Variants in TMEM181 observed in about 807,000 individuals in gnomAD.
TMEM181 encodes G protein-coupled receptor 178.
Under a neutral mutation model 71.9 loss-of-function variants are expected in TMEM181, and 39 were observed. The observed-to-expected ratio is 0.54, with a 90% confidence interval of 0.42 to 0.71. The LOEUF is 0.71. Among genes scored for constraint, TMEM181 ranks in the 30% least tolerant of loss-of-function variants. TMEM181 has a pLI of 0.00. For missense variants in TMEM181, 595 were observed against 583.0 expected (o/e 1.02, Z -0.21); for synonymous variants, 245 against 228.8 (o/e 1.07, Z -0.64).
At chr6:158,592,150 C>T (rs187804745) in intron 6 of TMEM181, among the ~76,000 whole-genome samples, 165 of 152,272 alleles carry the variant, frequency 1.1e-3, no homozygotes, top group Admixed American at 9.7e-3. Flanking sequence ...TTGTACATTT[C>T]GTTTCCCCAG....
intron 16 of TMEM181, among the ~76,000 whole-genome samples, 199 bp from the exon 17 acceptor site, chr6:158,631,611 A>C (rs1786668914): frequency 6.6e-6 from 1 of 152,178 alleles, no homozygotes; most frequent in Non-Finnish European, 1.5e-5. Context: ...CCACGGGAAG[A>C]ACTGTGCTTT....
At chr6:158,593,353 T>A (rs540598861) in intron 6 of TMEM181, among the ~76,000 whole-genome samples, 2 of 152,366 alleles carry the variant, frequency 1.3e-5, no homozygotes, top group Admixed American at 6.5e-5. Context: ...AGGCTGTCTC[T>A]GGGTGGTGGG....
chr6:158,629,064 C>A (rs1188955276), intron 14 of TMEM181, among the ~76,000 whole-genome samples: 1 of 152,194 alleles, frequency 6.6e-6, no homozygotes, highest in Admixed American at 6.5e-5. Flanking sequence ...TGCCTGAGGC[C>A]AGTGGCGCAG....
rs147807644 is a variant in TMEM181, at chr6:158,544,635, G to A, written c.131+7770G>A. Among the ~76,000 whole-genome samples the A allele has an allele frequency of 1.0e-3, 155 of 152,240 alleles. 1 individual carries two copies. The highest frequency in any genetic ancestry group is 3.3e-3 in the African/African-American group (136 of 41,542). ...TCGGGGCAAACCCCTGAGCTCTTGC[G>A]CTCTGGGGTCTTGGTCTTCCCGCCT... On this transcript the variant is annotated intron_variant, in intron 1 of 16. Coordinates refer to the TMEM181 transcript ENST00000367090.
chr6:158,601,113 T>C (rs773578460), intron 6 of TMEM181, among the ~76,000 whole-genome samples: 9 of 144,698 alleles, frequency 6.2e-5, no homozygotes, highest in Admixed American at 2.7e-4. Context: ...ATAAATGATA[T>C]AATGTTATAA....
At chr6:158,569,898 C>G (rs1370342187) in intron 1 of TMEM181, among the ~76,000 whole-genome samples, 2 of 152,066 alleles carry the variant, frequency 1.3e-5, no homozygotes, top group Non-Finnish European at 2.9e-5. Flanking sequence ...GCCACCGCAC[C>G]CAGCCTCTCA....
chr6:158,585,235 C>G (rs1783699451), intron 4 of TMEM181, 69 bp from the exon 5 acceptor site: 3 of 1,486,288 alleles, frequency 2.0e-6, no homozygotes, highest in African/African-American at 2.8e-5. Context: ...ATTACAGAGC[C>G]AGGAAGGCAC....
intron 6 of TMEM181, among the ~76,000 whole-genome samples, chr6:158,605,019 TAGG>T (rs1449058807): frequency 3.3e-5 from 5 of 150,688 alleles, no homozygotes; most frequent in Admixed American, 1.3e-4. Flanking sequence ...GAGGCTGAGG[TAGG>T]AGAAGTGATT....
chr6:158,559,057 A>G (rs1782011875), upstream of TMEM181, among the ~76,000 whole-genome samples: 1 of 152,150 alleles, frequency 6.6e-6, no homozygotes, highest in Non-Finnish European at 1.5e-5. Context: ...GATTTTGTGT[A>G]ACTATTCCTT....
chr6:158,620,750 A>G lies in TMEM181; in HGVS notation c.897-2800A>G, dbSNP rs1038314974. On this transcript the variant is annotated intron_variant, in intron 10 of 16. Coordinates refer to ENST00000684151, the MANE Select transcript of TMEM181 (RefSeq NM_001376852.1). The surrounding 1 kb of genome is among the most constrained non-coding windows in gnomAD (Gnocchi z 4.5). ...CTCAGGATCCAGGAGTTAACTCAGG[A>G]CAAGCTGCCGCTGCCCACTGCTTCC... Among the ~76,000 whole-genome samples, 2 of 152,210 alleles carry G rather than the reference A, an allele frequency of 1.3e-5. No homozygotes were observed. The highest frequency in any genetic ancestry group is 2.9e-5 in the Non-Finnish European group (2 of 68,032).
At chr6:158,561,513 C>G (rs1224999562) in intron 1 of TMEM181, among the ~76,000 whole-genome samples, 1 of 152,156 alleles carries the variant, frequency 6.6e-6, no homozygotes, top group African/African-American at 2.4e-5. Context: ...CAGGAGTTCT[C>G]TCACGCGCTG....
At position 158,568,412 on chromosome 6, in the gene TMEM181, G is replaced by C. The variant is rs138623942; in HGVS notation, c.9-5008G>C. ...GAGAGAAGCAGCAGGAGATGAGCTG[G>C]TGTTGGAGGACTGGTGCGAGGGGTG... On this transcript the variant is annotated intron_variant, in intron 1 of 16. Transcript: ENST00000684151. 1.7e-3 allele frequency among the ~76,000 whole-genome samples: 263 copies of C among 152,166 alleles called. 1 individual carries two copies. Among genetic ancestry groups the C allele is most frequent in the African/African-American group, 6.0e-3 (248 of 41,522 alleles).
At chr6:158,605,384 C>G in intron 7 of TMEM181, 37 bp downstream of exon 7, 5 of 1,592,712 alleles carry the variant, frequency 3.1e-6, no homozygotes, top group Non-Finnish European at 4.3e-6. Context: ...CAGCAGATCC[C>G]AGCCAGGAAG....
At chr6:158,603,424 A>G (rs1056051601) in intron 6 of TMEM181, among the ~76,000 whole-genome samples, 1 of 152,104 alleles carries the variant, frequency 6.6e-6, no homozygotes, top group Non-Finnish European at 1.5e-5. Flanking sequence ...GCCGACCTGA[A>G]GAGCTCAGGC....
chr6:158,578,192 T>G (rs1404464189), intron 2 of TMEM181, among the ~76,000 whole-genome samples: 1 of 152,216 alleles, frequency 6.6e-6, no homozygotes, highest in Non-Finnish European at 1.5e-5. Context: ...AGATAAAATT[T>G]GAGGAAGTTA....
chr6:158,560,271 C>G (rs1333035559), intron 1 of TMEM181, 39 bp downstream of exon 1: 1 of 985,062 alleles, frequency 1.0e-6, no homozygotes, highest in East Asian at 1.1e-4. Context: ...GCTGGCTCTC[C>G]GGACACTCCG....
chr6:158,605,131 A>AAGTGGGTGT, intron 6 of TMEM181, 136 bp from the exon 7 acceptor site: 1 of 159,686 alleles, frequency 6.3e-6, no homozygotes, highest in South Asian at 7.5e-5. Context: ...AAAAAAAAAA[A>AAGTGGGTGT]GTGTGTGTGT....
At chr6:158,570,879 G>T (rs1562626581) in intron 1 of TMEM181, among the ~76,000 whole-genome samples, 2 of 151,422 alleles carry the variant, frequency 1.3e-5, no homozygotes, top group Non-Finnish European at 2.9e-5. Flanking sequence ...GCAGCTGTAG[G>T]AATCTTCCAT....
At chr6:158,619,150 C>G (rs941994530) in intron 10 of TMEM181, among the ~76,000 whole-genome samples, 1 of 152,208 alleles carries the variant, frequency 6.6e-6, no homozygotes, top group Non-Finnish European at 1.5e-5. Context: ...TAGATTTGGT[C>G]TTTTCACATA....
Sources: allele counts gnomAD v4.1 joint callset (sites outside exome capture counted in the v4.1 genomes callset), GRCh38; gene constraint gnomAD v4.1.1; non-coding constraint Gnocchi (gnomAD v3.1); transcripts MANE v1.5; gene names NCBI Gene and HGNC (gene_info 2026-07-23, HGNC 2026-07-21).